The following NBPF12 variants were observed in gnomAD, a reference collection of about 807,000 sequenced individuals.
NBPF12 encodes the protein NBPF member 12.
In NBPF12, 115 loss-of-function variants were observed where a neutral mutation model predicts 146.4. The observed-to-expected ratio is 0.79, with a 90% CI of 0.68 to 0.92. NBPF12 has a LOEUF of 0.92. Among genes scored for constraint, NBPF12 ranks in the 40% least tolerant of loss-of-function variants. The pLI is 0.00. For missense variants in NBPF12, 1,205 were observed against 1,326.8 expected, an observed-to-expected ratio of 0.91 and a Z score of 1.43; for synonymous variants, 385 against 508.9, an observed-to-expected ratio of 0.76 and a Z score of 3.28.
chr1:146,963,987 GAGAA>G (rs1437375201), intron 6 of NBPF12, among the ~76,000 whole-genome samples: 1 of 130,850 alleles, frequency 7.6e-6, no homozygotes, highest in Non-Finnish European at 1.6e-5. Flanking sequence ...CCTCTCCTAA[GAGAA>G]AGAATGAGGT....
chr1:146,939,110 T>TCC (rs1654671065), intron 1 of NBPF12, 98 bp downstream of exon 1: 3 of 152,142 alleles, frequency 2.0e-5, no homozygotes, highest in Non-Finnish European at 4.4e-5. Flanking sequence ...CGCCGGGCAC[T>TCC]GCCGGGCTCC....
intron 13 of NBPF12, among the ~76,000 whole-genome samples, chr1:146,972,187 G>A (rs1553886586): frequency 6.6e-6 from 1 of 151,010 alleles, no homozygotes; most frequent in East Asian, 1.9e-4. Context: ...CTGAGGTCAG[G>A]AGTTCGAAAC....
At chr1:146,949,260 G>T (rs1415394458), upstream of NBPF12, 5 of 149,228 alleles carry the variant, frequency 3.4e-5, no homozygotes, top group Admixed American at 1.3e-4. Context: ...TCCACCTAAC[G>T]AGAAACGCCC....
chr1:146,994,354 G>T (rs587729651), exon 34 of NBPF12: 40 of 1,604,732 alleles, frequency 2.5e-5, no homozygotes, highest in Non-Finnish European at 3.1e-5. Context: ...GCTGATGGAA[G>T]TGGAAGAGCC....
intron 4 of NBPF12, 115 bp downstream of exon 7, chr1:146,960,433 A>C: frequency 1.6e-6 from 1 of 609,372 alleles, no homozygotes; most frequent in South Asian, 2.0e-5. Flanking sequence ...ACTTCTAGGA[A>C]AACAGAAATG....
chr1:146,958,123 G>A (rs1232361737), intron 2 of NBPF12, among the ~76,000 whole-genome samples: 2 of 117,430 alleles, frequency 1.7e-5, no homozygotes, highest in Admixed American at 9.7e-5. Context: ...ATATCCTAAT[G>A]CTATCCCTCC....
rs1319487274 is a variant in NBPF12 at position 146,994,587 on chromosome 1, T to G, written c.*12T>G. Reference sequence around the variant, plus strand: ...TATTCCCACAATAAGCAGCCCTTACTAAGCCGAGAGGTTTCATTCCTGCAG... The same window carrying G: ...TATTCCCACAATAAGCAGCCCTTACGAAGCCGAGAGGTTTCATTCCTGCAG... On this transcript the variant is annotated 3_prime_UTR_variant, in exon 34 of 34. Coordinates refer to ENST00000617844, the Ensembl canonical transcript of NBPF12. The G allele has an allele frequency of 2.5e-6, 4 of 1,607,056 alleles. No homozygotes were observed. The East Asian group carries it at 8.9e-5, about 36-fold the overall frequency.
chr1:146,995,361 TG>T (rs1658480301), exon 34 of NBPF12: 1 of 134,770 alleles, frequency 7.4e-6, no homozygotes. Flanking sequence ...ACCAGACAAC[TG>T]CAGAATGTAG....
At chr1:146,975,820 G>A in exon 16 of NBPF12, 10 of 1,608,162 alleles carry the variant, frequency 6.2e-6, no homozygotes, top group Non-Finnish European at 8.5e-6. Flanking sequence ...AAGTCCCAGG[G>A]GCAGGACCTC....
At chr1:146,962,420 GATA>G (rs1246197519) in intron 5 of NBPF12, among the ~76,000 whole-genome samples, 157 bp downstream of exon 8, 16,784 of 151,618 alleles carry the variant, frequency 0.11, 939 homozygotes, top group East Asian at 0.21. Context: ...AGAGAACAAG[GATA>G]ATAATAAGTT....
Position 146,989,573 on chromosome 1 carries a change from G to A in NBPF12, c.3399-1G>A, listed in dbSNP as rs1457036859. 73 of 1,518,986 alleles carry A rather than the reference G, an allele frequency of 4.8e-5. No homozygotes were observed. The highest frequency in any genetic ancestry group is 1.2e-5 in the Non-Finnish European group (13 of 1,093,456). 94.1% of individuals were successfully genotyped at this position (1,518,986 alleles called of 1,614,324 possible). A position where few individuals can be genotyped will look rare whatever the true frequency, so the allele number is the denominator to read the frequency against. On this transcript the variant is annotated splice_acceptor_variant, in intron 27 of 33. Transcript: ENST00000617844. LOFTEE classifies it high-confidence loss of function. The stretch of plus-strand genomic sequence containing the variant: ...ATTCTTTACTTTTTCCCACTTTCCA[G>A]GCTCAGCAGGGAGCTGCTGGCTGAG...
At chr1:146,969,241 C>G in intron 10 of NBPF12, 141 bp from the exon 14 acceptor site, 1 of 1,069,018 alleles carries the variant, frequency 9.4e-7, no homozygotes, top group South Asian at 1.3e-5. Context: ...TTCTCTTGGC[C>G]ACAGTCATTC....
At chr1:146,941,764 AAAAAAAAAAAAAAAG>A (rs1167422210) in intron 1 of NBPF12, among the ~76,000 whole-genome samples, 8 of 140,920 alleles carry the variant, frequency 5.7e-5, no homozygotes, top group Middle Eastern at 3.7e-3. Context: ...GTACCAAAAA[AAAAAAAAAAAAAAAG>A]AAAGAAAAAA....
intron 28 of NBPF12, among the ~76,000 whole-genome samples, chr1:146,989,975 A>C (rs1658051406): frequency 7.2e-6 from 1 of 139,442 alleles, no homozygotes; most frequent in African/African-American, 2.6e-5. Flanking sequence ...TGGCACCCTA[A>C]TCCTACTCTC....
chr1:146,961,245 G>T (rs1284405328), intron 4 of NBPF12, among the ~76,000 whole-genome samples: 1 of 151,812 alleles, frequency 6.6e-6, no homozygotes, highest in Non-Finnish European at 1.5e-5. Context: ...ACAGGCTCTT[G>T]TTCCTAAAGA....
At chr1:146,967,458 G>A (rs1656279353) in intron 9 of NBPF12, among the ~76,000 whole-genome samples, 1 of 149,562 alleles carries the variant, frequency 6.7e-6, no homozygotes, top group Non-Finnish European at 1.5e-5. Flanking sequence ...CCAAGATTTT[G>A]CCATTGCACT....
intron 33 of NBPF12, 59 bp from the exon 37 acceptor site, chr1:146,994,273 G>C: frequency 6.2e-7 from 1 of 1,610,860 alleles, no homozygotes; most frequent in Non-Finnish European, 8.5e-7. Context: ...GAAATCTAGT[G>C]AGGCTCTGTG....
rs1163938720 is a variant in NBPF12 at position 146,966,682 on chromosome 1, T to C, written c.988+9T>C. On this transcript the variant is annotated intron_variant, in intron 9 of 33. Transcript: ENST00000617844. ...GCAGCAGAACAAATACAGTAAGATCTACAGGCTCACCATCACGAAAGTGAT... is the reference window on the plus strand; with the variant it reads ...GCAGCAGAACAAATACAGTAAGATCCACAGGCTCACCATCACGAAAGTGAT... 8.6e-6 allele frequency: 11 copies of C among 1,282,228 alleles called. No homozygotes were observed. The highest frequency in any genetic ancestry group is 3.0e-5 in the African/African-American group (2 of 67,288). The allele number at this position is 1,282,228 out of a possible 1,614,324, so 79.4% of individuals were successfully genotyped here.
At chr1:146,938,529 C>A (rs1553882357), upstream of NBPF12, among the ~76,000 whole-genome samples, 348 of 152,150 alleles carry the variant, frequency 2.3e-3, 3 homozygotes, top group East Asian at 0.031. Context: ...CCCGTCCCCG[C>A]TGCGCTCCGT....
Sources: gnomAD v4.1 joint callset for allele counts (sites outside exome capture counted in the v4.1 genomes callset) on GRCh38, gnomAD v4.1.1 for gene constraint, MANE v1.5 for transcripts, NCBI Gene and HGNC (gene_info 2026-07-23, HGNC 2026-07-21) for gene names.